TDRD1: variants seen among roughly 807,000 people sequenced by gnomAD.
The protein encoded by TDRD1 is tudor domain-containing protein 1.
Under a neutral mutation model 140.6 loss-of-function variants are expected in TDRD1, and 37 were observed. That is an observed-to-expected ratio of 0.26 (90% CI 0.20 to 0.35). The LOEUF is 0.35. TDRD1 is among the 10% of genes least tolerant of loss of function. The probability of loss-of-function intolerance (pLI) is 1.00; values close to 1 mark genes in which losing one functional copy is unlikely to be tolerated. For synonymous variants in TDRD1, 506 were observed against 475.7 expected, an observed-to-expected ratio of 1.06 and a Z score of -0.83; for missense variants, 1,243 against 1,393.0, an observed-to-expected ratio of 0.89 and a Z score of 1.71.
rs2033122449 is a variant in TDRD1 at position 114,182,158 on chromosome 10, A to G, written c.-7+2742A>G. The stretch of plus-strand genomic sequence containing the variant: ...ACCCGTGTCTGGAATCTTGTATTCC[A>G]TTATGAGAGTCATGTCAGTATAAGA... On this transcript the variant is annotated intron_variant, in intron 1 of 25. Coordinates refer to ENST00000251864, the Ensembl canonical transcript of TDRD1. 2.0e-5 allele frequency among the ~76,000 whole-genome samples: 3 copies of G among 152,204 alleles called. No homozygotes were observed. In the South Asian group the frequency reaches 6.2e-4, roughly 31 times the overall value.
intron 11 of TDRD1, among the ~76,000 whole-genome samples, chr10:114,208,797 CAG>C (rs1016240786): frequency 1.4e-5 from 2 of 146,498 alleles, no homozygotes; most frequent in African/African-American, 5.1e-5. Flanking sequence ...TTTTTTGAGA[CAG>C]AGTCTCGCTC....
In TDRD1 at chr10:114,214,128, T is replaced by A. The variant is rs201492690; in HGVS notation, c.2212+14T>A. The A allele has an allele frequency of 1.2e-6, 2 of 1,611,150 alleles. No homozygotes were observed. The highest frequency in any genetic ancestry group is 8.5e-7 in the Non-Finnish European group (1 of 1,177,860). On this transcript the variant is annotated intron_variant, in intron 16 of 25. Coordinates refer to ENST00000251864, the Ensembl canonical transcript of TDRD1. ...TTAAAGAGGATGGTAAGTTGATTCTTGTCATTTGTTTCTTTTTACAAATAC... is the reference window on the plus strand; with the variant it reads ...TTAAAGAGGATGGTAAGTTGATTCTAGTCATTTGTTTCTTTTTACAAATAC...
intron 3 of TDRD1, among the ~76,000 whole-genome samples, chr10:114,197,710 T>C (rs1259319472): frequency 6.6e-6 from 1 of 151,000 alleles, no homozygotes; most frequent in East Asian, 2.0e-4. Context: ...CAGGCTAGAG[T>C]GCAGTGGCAT....
intron 16 of TDRD1, 40 bp downstream of exon 16, chr10:114,214,154 A>G (rs765522337): frequency 2.2e-5 from 34 of 1,575,516 alleles, no homozygotes; most frequent in Non-Finnish European, 3.0e-5. Flanking sequence ...TTACAAATAC[A>G]TTGGCATAGA....
At chr10:114,223,387 G>A (rs2036255850) in intron 21 of TDRD1, among the ~76,000 whole-genome samples, 1 of 152,210 alleles carries the variant, frequency 6.6e-6, no homozygotes, top group South Asian at 2.1e-4. Context: ...GTCTGCCACT[G>A]GGGCACAGGC....
At chr10:114,222,035 G>A (rs905145545) in intron 20 of TDRD1, among the ~76,000 whole-genome samples, 26 of 152,086 alleles carry the variant, frequency 1.7e-4, no homozygotes, top group African/African-American at 5.8e-4. Flanking sequence ...AGAATAATTT[G>A]CAGGCACTTT....
intron 4 of TDRD1, among the ~76,000 whole-genome samples, chr10:114,200,393 T>TTG (rs2034650170): frequency 6.6e-6 from 1 of 151,590 alleles, no homozygotes; most frequent in African/African-American, 2.4e-5. Flanking sequence ...TGTTGTTGTT[T>TTG]TTTAGATAAC....
chr10:114,191,086 TAAAG>T, intron 3 of TDRD1, 67 bp downstream of exon 3: 6 of 1,493,966 alleles, frequency 4.0e-6, no homozygotes, highest in African/African-American at 1.4e-5. Context: ...ATTTATTTAA[TAAAG>T]AAGTGTTCAA....
At chr10:114,213,941 C>T (rs1399103682) in intron 15 of TDRD1, 36 bp from the exon 16 acceptor site, 2 of 1,611,708 alleles carry the variant, frequency 1.2e-6, no homozygotes, top group Non-Finnish European at 1.7e-6. Context: ...CATCCCTCCT[C>T]CACTATGTCC....
chr10:114,183,702 T>G (rs2033282827), intron 1 of TDRD1, among the ~76,000 whole-genome samples: 2 of 135,930 alleles, frequency 1.5e-5, no homozygotes, highest in South Asian at 4.9e-4. Flanking sequence ...ACAGTTAACT[T>G]TTTTTTTTTT....
intron 23 of TDRD1, 41 bp downstream of exon 23, chr10:114,227,340 G>C: frequency 7.3e-7 from 1 of 1,361,222 alleles, no homozygotes; most frequent in Non-Finnish European, 1.1e-6. Flanking sequence ...TGTTAAGTGT[G>C]AGGAATAACA....
At chr10:114,204,758 G>A in exon 10 of TDRD1, 2 of 1,598,468 alleles carry the variant, frequency 1.3e-6, no homozygotes, top group African/African-American at 2.7e-5. Context: ...TATCCCAGCA[G>A]AAGGGAATTG....
chr10:114,222,786 T>G (rs968962221), intron 21 of TDRD1, 83 bp downstream of exon 21: 1 of 744,884 alleles, frequency 1.3e-6, no homozygotes, highest in African/African-American at 1.8e-5. Context: ...TTTTGGTATT[T>G]TAGCTGCATA....
At chr10:114,183,222 ACT>A (rs1271431732) in intron 1 of TDRD1, among the ~76,000 whole-genome samples, 11 of 151,994 alleles carry the variant, frequency 7.2e-5, no homozygotes, top group African/African-American at 1.7e-4. Context: ...GTTATGAAAG[ACT>A]CTCGGGTGTA....
intron 25 of TDRD1, among the ~76,000 whole-genome samples, chr10:114,230,678 G>A (rs1397110157): frequency 1.3e-5 from 2 of 152,210 alleles, no homozygotes; most frequent in African/African-American, 4.8e-5. Context: ...AAAAAATAAT[G>A]TACATGATTG....
intron 16 of TDRD1, among the ~76,000 whole-genome samples, chr10:114,215,776 TA>T (rs1436394655): frequency 7.2e-5 from 11 of 152,230 alleles, no homozygotes; most frequent in African/African-American, 2.6e-4. Context: ...AAACATAATA[TA>T]AAAATTCTAA....
chr10:114,213,574 T>G, exon 15 of TDRD1: 1 of 1,613,716 alleles, frequency 6.2e-7, no homozygotes, highest in Non-Finnish European at 8.5e-7. Context: ...CCCAGTGACG[T>G]GAAAGAAACC....
chr10:114,203,073 G>T, exon 7 of TDRD1: 1 of 1,610,272 alleles, frequency 6.2e-7, no homozygotes, highest in Non-Finnish European at 8.5e-7. Flanking sequence ...TCAAACCAGA[G>T]TGACTGTCCA....
At chr10:114,200,219 G>A (rs1287448939) in intron 4 of TDRD1, among the ~76,000 whole-genome samples, 1 of 152,192 alleles carries the variant, frequency 6.6e-6, no homozygotes, top group Non-Finnish European at 1.5e-5. Flanking sequence ...GCATTTACCA[G>A]TTTACAGTTA....
Sources: allele counts gnomAD v4.1 joint callset (sites outside exome capture counted in the v4.1 genomes callset), GRCh38; gene constraint gnomAD v4.1.1; transcripts MANE v1.5; gene names NCBI Gene and HGNC (gene_info 2026-07-23, HGNC 2026-07-21).